The following PPARGC1A variants were observed in gnomAD, a reference collection of about 807,000 sequenced individuals.
The protein encoded by PPARGC1A is peroxisome proliferator-activated receptor gamma coactivator 1-alpha.
Under a neutral mutation model 88.7 loss-of-function variants are expected in PPARGC1A, and 25 were observed. The observed-to-expected ratio is 0.28, with a 90% confidence interval of 0.21 to 0.39. The LOEUF is 0.39. PPARGC1A is among the 10% of genes least tolerant of loss of function. The pLI is 1.00. For synonymous variants in PPARGC1A, 363 were observed against 355.6 expected, an observed-to-expected ratio of 1.02 and a Z score of -0.24; for missense variants, 880 against 968.7, an observed-to-expected ratio of 0.91 and a Z score of 1.22.
chr4:23,893,728 AC>A (rs1445175563), upstream of PPARGC1A, among the ~76,000 whole-genome samples: 4 of 152,304 alleles, frequency 2.6e-5, no homozygotes, highest in East Asian at 7.7e-4. Context: ...GCAGAAAATT[AC>A]TGTAGTTTTA....
the PPARGC1A span, among the ~76,000 whole-genome samples, chr4:23,982,783 A>G: frequency 6.6e-6 from 1 of 152,202 alleles, no homozygotes; most frequent in Non-Finnish European, 1.5e-5. Flanking sequence ...AGAGAGTTGT[A>G]AAGATTCAGT....
chr4:24,143,699 C>CT, the PPARGC1A span, among the ~76,000 whole-genome samples: 1 of 152,184 alleles, frequency 6.6e-6, no homozygotes, highest in Non-Finnish European at 1.5e-5. Flanking sequence ...ATTTTGATCA[C>CT]TTTTTTATTA....
chr4:24,303,570 C>G, the PPARGC1A span, among the ~76,000 whole-genome samples: 2 of 152,188 alleles, frequency 1.3e-5, no homozygotes, highest in Admixed American at 6.5e-5. Context: ...TTAACTGTCA[C>G]TTTCCATTAG....
At chr4:23,952,973 T>C in the PPARGC1A span, among the ~76,000 whole-genome samples, 1 of 152,030 alleles carries the variant, frequency 6.6e-6, no homozygotes, top group Admixed American at 6.6e-5. Flanking sequence ...ATGCATTATA[T>C]TACTACTATA....
chr4:23,920,677 C>T, the PPARGC1A span, among the ~76,000 whole-genome samples: 26 of 152,318 alleles, frequency 1.7e-4, no homozygotes, highest in South Asian at 5.4e-3. Context: ...AACTTTCTTC[C>T]TCCCAGCTCT....
the PPARGC1A span, among the ~76,000 whole-genome samples, chr4:24,015,746 G>C: frequency 0.025 from 3,845 of 152,278 alleles, 59 homozygotes; most frequent in Middle Eastern, 0.044. Context: ...GCATCTTACA[G>C]ACAGTACATA....
the PPARGC1A span, among the ~76,000 whole-genome samples, chr4:24,392,835 T>A: frequency 1.3e-5 from 2 of 152,162 alleles, no homozygotes; most frequent in Non-Finnish European, 2.9e-5. Context: ...TCTAAGACTC[T>A]GAAAAGGATA....
At chr4:24,430,359 G>T in the PPARGC1A span, among the ~76,000 whole-genome samples, 1 of 145,046 alleles carries the variant, frequency 6.9e-6, no homozygotes, top group African/African-American at 2.6e-5. Context: ...CTGGGTTCAC[G>T]CCATTCTCCT....
chr4:24,020,774 G>A, the PPARGC1A span, among the ~76,000 whole-genome samples: 7 of 152,232 alleles, frequency 4.6e-5, no homozygotes, highest in East Asian at 3.9e-4. Context: ...CCTTGTCTCC[G>A]AAGCCTCCAT....
At chr4:24,200,447 G>T in the PPARGC1A span, among the ~76,000 whole-genome samples, 1 of 151,900 alleles carries the variant, frequency 6.6e-6, no homozygotes, top group East Asian at 1.9e-4. Context: ...GGAGGCAGAG[G>T]TTGCAGTGAG....
At chr4:24,065,496 A>G in the PPARGC1A span, among the ~76,000 whole-genome samples, 26 of 152,292 alleles carry the variant, frequency 1.7e-4, no homozygotes, top group Non-Finnish European at 2.6e-4. Context: ...TGTGGCTAAG[A>G]AAAACAGGTG....
At chr4:24,103,164 G>C in the PPARGC1A span, among the ~76,000 whole-genome samples, 1 of 152,084 alleles carries the variant, frequency 6.6e-6, no homozygotes, top group East Asian at 1.9e-4. Context: ...ACCGAAGCAT[G>C]GAAAAGTAGA....
At chr4:23,824,631 T>G in intron 5 of PPARGC1A, 123 bp from the exon 6 acceptor site, 2 of 831,180 alleles carry the variant, frequency 2.4e-6, no homozygotes, top group Non-Finnish European at 3.8e-6. Context: ...AGGAATTCTC[T>G]GAATATTGAA....
chr4:23,993,987 T>C, the PPARGC1A span, among the ~76,000 whole-genome samples: 2 of 152,162 alleles, frequency 1.3e-5, no homozygotes, highest in East Asian at 3.9e-4. Context: ...TTGTCATTTG[T>C]GTTTGACAAT....
the PPARGC1A span, among the ~76,000 whole-genome samples, chr4:24,173,937 C>G: frequency 3.3e-5 from 5 of 152,176 alleles, no homozygotes; most frequent in Non-Finnish European, 7.3e-5. Flanking sequence ...ACTTTAATTT[C>G]TATCTTTTTG....
the PPARGC1A span, among the ~76,000 whole-genome samples, chr4:24,319,442 A>G: frequency 1.6e-4 from 25 of 152,362 alleles, no homozygotes; most frequent in South Asian, 5.2e-3. Context: ...AAGTGTCAAG[A>G]AAGATAGACT....
chr4:24,050,462 C>T, the PPARGC1A span, among the ~76,000 whole-genome samples: 2 of 152,052 alleles, frequency 1.3e-5, no homozygotes, highest in Non-Finnish European at 2.9e-5. Flanking sequence ...TCCCAAAGTG[C>T]TGGGATTACA....
chr4:24,069,458 C>G, the PPARGC1A span, among the ~76,000 whole-genome samples: 2 of 152,134 alleles, frequency 1.3e-5, no homozygotes, highest in African/African-American at 4.8e-5. Context: ...ACATGACATT[C>G]CTTCTTTGAA....
chr4:24,072,168 TATTAA>T, the PPARGC1A span, among the ~76,000 whole-genome samples: 538 of 147,472 alleles, frequency 3.6e-3, 3 homozygotes, highest in Non-Finnish European at 6.0e-3. Context: ...ATTTTTATAT[TATTAA>T]ATTAAATAAT....
Sources: allele counts gnomAD v4.1 joint callset (sites outside exome capture counted in the v4.1 genomes callset), GRCh38; gene constraint gnomAD v4.1.1; transcripts MANE v1.5; gene names NCBI Gene and HGNC (gene_info 2026-07-23, HGNC 2026-07-21).